MBNL1: variants seen among roughly 807,000 people sequenced by gnomAD.
MBNL1 encodes the protein muscleblind like splicing regulator 1.
MBNL1 carries 8 observed loss-of-function variants against 42.2 expected under a neutral mutation model. The observed-to-expected ratio is 0.19, with a 90% confidence interval of 0.11 to 0.34. The LOEUF (loss-of-function observed/expected upper bound fraction) is 0.34, where lower values mean the gene tolerates loss of function less well. MBNL1 is among the 10% of genes least tolerant of loss of function. The probability of loss-of-function intolerance (pLI) is 1.00; values close to 1 mark genes in which losing one functional copy is unlikely to be tolerated. For missense variants in MBNL1, 309 were observed against 495.3 expected (o/e 0.62, Z 3.57); for synonymous variants, 169 against 173.9 (o/e 0.97, Z 0.22).
chr3:152,452,159 T>G (rs1161236384), intron 6 of MBNL1, among the ~76,000 whole-genome samples: 1 of 152,282 alleles, frequency 6.6e-6, no homozygotes, highest in African/African-American at 2.4e-5. Flanking sequence ...TATACTTGTT[T>G]TAACCTTCCC....
upstream of MBNL1, chr3:152,265,288 C>T (rs1271284799): frequency 6.6e-6 from 1 of 152,084 alleles, no homozygotes; most frequent in Non-Finnish European, 1.5e-5. Flanking sequence ...TTGACACCAT[C>T]TTTCAATCAA....
At chr3:152,288,298 A>G (rs2053789187) in intron 1 of MBNL1, among the ~76,000 whole-genome samples, 1 of 152,162 alleles carries the variant, frequency 6.6e-6, no homozygotes, top group Non-Finnish European at 1.5e-5. Context: ...GTATATACCT[A>G]TCTTGGTTAT....
chr3:152,443,008 A>G (rs1271540186), intron 4 of MBNL1, among the ~76,000 whole-genome samples: 1 of 152,234 alleles, frequency 6.6e-6, no homozygotes, highest in Non-Finnish European at 1.5e-5. Flanking sequence ...CATATTATGC[A>G]AAAGCAGTTG....
intron 2 of MBNL1, among the ~76,000 whole-genome samples, chr3:152,257,600 A>T (rs554734781): frequency 2.2e-4 from 33 of 152,336 alleles, no homozygotes; most frequent in South Asian, 2.1e-3. Context: ...ACTTAGCAAC[A>T]CATAATCATT....
chr3:152,315,928 C>T (rs2070919173), intron 2 of MBNL1, among the ~76,000 whole-genome samples: 1 of 152,080 alleles, frequency 6.6e-6, no homozygotes, highest in Non-Finnish European at 1.5e-5. Context: ...CGCACACACC[C>T]ACACGTCTTA....
At chr3:152,308,361 C>G (rs575114476) in intron 2 of MBNL1, among the ~76,000 whole-genome samples, 1 of 152,292 alleles carries the variant, frequency 6.6e-6, no homozygotes, top group East Asian at 1.9e-4. Flanking sequence ...TTCAGCTTGC[C>G]TAGTGCAGGG....
intron 2 of MBNL1, among the ~76,000 whole-genome samples, chr3:152,391,852 C>T (rs181948538): frequency 1.6e-3 from 247 of 152,270 alleles, no homozygotes; most frequent in Admixed American, 1.8e-3. Flanking sequence ...CTGTCTATCC[C>T]ATACCCACCC....
intron 2 of MBNL1, among the ~76,000 whole-genome samples, chr3:152,381,917 C>T (rs2097193980): frequency 6.6e-6 from 1 of 151,996 alleles, no homozygotes; most frequent in South Asian, 2.1e-4. Flanking sequence ...TTCAGTTTTT[C>T]AACTGTTCTT....
chr3:152,435,071 TC>T (rs1281039452), intron 4 of MBNL1, among the ~76,000 whole-genome samples: 4 of 152,080 alleles, frequency 2.6e-5, no homozygotes, highest in African/African-American at 7.3e-5. Context: ...TTTTTTTTTT[TC>T]GTTGCGATTG....
intron 2 of MBNL1, among the ~76,000 whole-genome samples, chr3:152,401,617 G>A (rs942909410): frequency 1.3e-5 from 2 of 152,114 alleles, no homozygotes; most frequent in African/African-American, 2.4e-5. Context: ...TGTAGCTAGC[G>A]GGTGAGAGAG....
At chr3:152,294,885 A>C (rs900254885) in intron 1 of MBNL1, among the ~76,000 whole-genome samples, 4 of 152,216 alleles carry the variant, frequency 2.6e-5, no homozygotes, top group African/African-American at 9.6e-5. Flanking sequence ...TTACCAAAAG[A>C]GATTTCTATT....
At chr3:152,320,767 A>G (rs1450445155) in intron 2 of MBNL1, among the ~76,000 whole-genome samples, 1 of 150,940 alleles carries the variant, frequency 6.6e-6, no homozygotes, top group East Asian at 1.9e-4. Context: ...TTACGAGAGG[A>G]ACATTCTGGG....
intron 2 of MBNL1, among the ~76,000 whole-genome samples, chr3:152,319,934 A>G (rs1244413011): frequency 2.0e-5 from 3 of 152,108 alleles, no homozygotes; most frequent in African/African-American, 4.8e-5. Flanking sequence ...ATCCTTCATG[A>G]AAATGAATAG....
At chr3:152,254,639 C>T (rs1413994845) in intron 2 of MBNL1, among the ~76,000 whole-genome samples, 1 of 151,846 alleles carries the variant, frequency 6.6e-6, no homozygotes, top group Non-Finnish European at 1.5e-5. Context: ...TCTTGTACAT[C>T]CAAAATATCA....
intron 2 of MBNL1, among the ~76,000 whole-genome samples, chr3:152,331,499 T>C (rs2084503275): frequency 6.6e-6 from 1 of 152,176 alleles, no homozygotes; most frequent in African/African-American, 2.4e-5. Flanking sequence ...GTTTACTTTC[T>C]AGAAGAATCT....
At chr3:152,277,847 T>TA (rs1314611216) in intron 1 of MBNL1, among the ~76,000 whole-genome samples, 1 of 152,094 alleles carries the variant, frequency 6.6e-6, no homozygotes, top group East Asian at 1.9e-4. Flanking sequence ...TACAACTTAT[T>TA]AGTTATTTAG....
At chr3:152,313,922 AG>A (rs1438575172) in intron 2 of MBNL1, among the ~76,000 whole-genome samples, 2 of 152,242 alleles carry the variant, frequency 1.3e-5, no homozygotes, top group Non-Finnish European at 2.9e-5. Flanking sequence ...TTGTAAATGC[AG>A]TTAAGTATGA....
intron 2 of MBNL1, among the ~76,000 whole-genome samples, chr3:152,247,302 G>C (rs894562511): frequency 1.3e-5 from 2 of 151,922 alleles, no homozygotes; most frequent in East Asian, 3.8e-4. Context: ...TTTAATAAAT[G>C]TAAATTCCAA....
At chr3:152,257,702 G>A (rs2035648157) in intron 2 of MBNL1, among the ~76,000 whole-genome samples, 2 of 152,232 alleles carry the variant, frequency 1.3e-5, no homozygotes, top group Admixed American at 6.5e-5. Context: ...TTAAAAACAC[G>A]AAGTAATGCC....
Sources: allele counts gnomAD v4.1 joint callset (sites outside exome capture counted in the v4.1 genomes callset), GRCh38; gene constraint gnomAD v4.1.1; transcripts MANE v1.5; gene names NCBI Gene and HGNC (gene_info 2026-07-23, HGNC 2026-07-21).